Variants in DOCK4 observed in about 807,000 individuals in gnomAD.
DOCK4 encodes the protein dedicator of cytokinesis protein 4.
Under a neutral mutation model 268.1 loss-of-function variants are expected in DOCK4, and 97 were observed. That is an observed-to-expected ratio of 0.36 (90% CI 0.31 to 0.43). The LOEUF (loss-of-function observed/expected upper bound fraction) is 0.43. Among genes scored for constraint, DOCK4 ranks in the 20% least tolerant of loss-of-function variants. The pLI is 1.00. For missense variants in DOCK4, 2,145 were observed against 2,455.7 expected (o/e 0.87, Z 2.67); for synonymous variants, 954 against 887.2 (o/e 1.08, Z -1.34).
intron 1 of DOCK4, among the ~76,000 whole-genome samples, chr7:112,007,884 C>A (rs1208494589): frequency 1.3e-5 from 2 of 152,124 alleles, no homozygotes; most frequent in African/African-American, 4.8e-5. Flanking sequence ...AGTGTTTCTG[C>A]ATGAAATACA....
intron 44 of DOCK4, among the ~76,000 whole-genome samples, chr7:111,742,364 A>G (rs1795974587): frequency 6.6e-6 from 1 of 152,146 alleles, no homozygotes; most frequent in Non-Finnish European, 1.5e-5. Flanking sequence ...TTTCAGACTT[A>G]ATTTTCCTAC....
At chr7:111,934,264 G>C (rs1392763324) in intron 12 of DOCK4, among the ~76,000 whole-genome samples, 1 of 152,080 alleles carries the variant, frequency 6.6e-6, no homozygotes, top group Non-Finnish European at 1.5e-5. Flanking sequence ...CATTATTTAT[G>C]CTATGCAATC....
intron 4 of DOCK4, among the ~76,000 whole-genome samples, chr7:111,995,447 GTGTGTGTGTGTA>G (rs55924531): frequency 0.057 from 6,490 of 113,050 alleles, 235 homozygotes; most frequent in East Asian, 0.2. Context: ...GTGTGTGTGT[GTGTGTGTGTGTA>G]TGTGCAGGTG....
intron 1 of DOCK4, among the ~76,000 whole-genome samples, chr7:112,176,831 A>T (rs964553259): frequency 2.0e-5 from 3 of 152,200 alleles, no homozygotes; most frequent in African/African-American, 7.2e-5. Flanking sequence ...TGCACATAAT[A>T]TAAAAACAAG....
chr7:111,842,843 G>C (rs1245244331), intron 25 of DOCK4, among the ~76,000 whole-genome samples: 2 of 152,164 alleles, frequency 1.3e-5, no homozygotes, highest in Non-Finnish European at 2.9e-5. Context: ...TCTTGCCTCA[G>C]CTGTCAAAGG....
At chr7:112,145,498 G>A (rs1193955705) in intron 1 of DOCK4, among the ~76,000 whole-genome samples, 2 of 152,208 alleles carry the variant, frequency 1.3e-5, no homozygotes, top group African/African-American at 4.8e-5. Flanking sequence ...TATATATTCA[G>A]AGATACAACA....
rs1794704607 is a variant in DOCK4 at position 111,727,232 on chromosome 7, G to C, written c.*1042C>G. The C allele has an allele frequency of 1.3e-5, 2 of 152,630 alleles. No individual in the cohort carries two copies. The allele number at this position is 152,630 out of a possible 1,614,324, so 9.5% of individuals were successfully genotyped here. A position where few individuals can be genotyped will look rare whatever the true frequency, so the allele number is the denominator to read the frequency against. On this transcript the variant is annotated 3_prime_UTR_variant, in exon 53 of 53. Coordinates refer to ENST00000428084, the MANE Select transcript of DOCK4 (RefSeq NM_001363540.2). ...AAGAGAAAGACGACAGGTCAGCTAAGACAAACTCCACTGGTAAAAGTGGAG... is the reference window on the plus strand; with the variant it reads ...AAGAGAAAGACGACAGGTCAGCTAACACAAACTCCACTGGTAAAAGTGGAG...
chr7:111,818,440 C>CCAA (rs200197432), intron 27 of DOCK4, among the ~76,000 whole-genome samples: 65 of 152,230 alleles, frequency 4.3e-4, no homozygotes, highest in African/African-American at 1.5e-3. Flanking sequence ...GTGAATGGCA[C>CCAA]AATTCATCCT....
chr7:111,810,345 A>G (rs1801012449), intron 28 of DOCK4, among the ~76,000 whole-genome samples: 1 of 151,990 alleles, frequency 6.6e-6, no homozygotes, highest in Non-Finnish European at 1.5e-5. Context: ...CCAGCTACTC[A>G]GTAGGCTGAG....
chr7:111,909,616 T>C (rs1464879457), intron 13 of DOCK4, among the ~76,000 whole-genome samples: 1 of 152,240 alleles, frequency 6.6e-6, no homozygotes, highest in Non-Finnish European at 1.5e-5. Context: ...CAGATTACTA[T>C]TAAAACTGGT....
chr7:112,005,137 A>C (rs10487337), intron 1 of DOCK4, among the ~76,000 whole-genome samples: 8,899 of 152,288 alleles, frequency 0.058, 394 homozygotes, highest in East Asian at 0.18. Flanking sequence ...ATGATTCTTA[A>C]AAGGCCAAAA....
intron 26 of DOCK4, among the ~76,000 whole-genome samples, chr7:111,829,953 T>C (rs1025153376): frequency 2.0e-5 from 3 of 152,200 alleles, no homozygotes; most frequent in African/African-American, 7.2e-5. Context: ...TATATGTACA[T>C]TATCATTATG....
At chr7:112,040,492 T>C (rs547669724) in intron 1 of DOCK4, among the ~76,000 whole-genome samples, 90 of 152,296 alleles carry the variant, frequency 5.9e-4, no homozygotes, top group Middle Eastern at 3.4e-3. Context: ...TTTCAATAGA[T>C]AGTTGTGGAG....
chr7:112,122,010 A>G (rs1812775005), intron 1 of DOCK4, among the ~76,000 whole-genome samples: 1 of 152,234 alleles, frequency 6.6e-6, no homozygotes, highest in South Asian at 2.1e-4. Context: ...AATGCTGCAA[A>G]CAATATTAGA....
rs75252459 is a variant in DOCK4, at chr7:111,939,805, T to C, written c.977+305A>G. On this transcript the variant is annotated intron_variant, in intron 11 of 52. Transcript: ENST00000428084. ...AGTACTTTCACTTTCCAAGAACACA[T>C]TGACTGTCTGAAGGTAAAGACGTGC... Among the ~76,000 whole-genome samples the C allele has an allele frequency of 6.1e-3, 924 of 152,300 alleles. 11 individuals are homozygous for C. Among genetic ancestry groups the C allele is most frequent in the African/African-American group, 0.021 (889 of 41,572 alleles).
At chr7:112,152,774 C>G (rs1816225513) in intron 1 of DOCK4, among the ~76,000 whole-genome samples, 1 of 152,098 alleles carries the variant, frequency 6.6e-6, no homozygotes, top group Non-Finnish European at 1.5e-5. Context: ...GCTTGAGCCA[C>G]TGCATCCAGC....
At chr7:112,178,082 C>G (rs1489241865) in intron 1 of DOCK4, among the ~76,000 whole-genome samples, 1 of 152,240 alleles carries the variant, frequency 6.6e-6, no homozygotes, top group African/African-American at 2.4e-5. Flanking sequence ...TGCTTACTAA[C>G]ATCAGTATCA....
chr7:112,130,115 T>C (rs1813668597), intron 1 of DOCK4, among the ~76,000 whole-genome samples: 2 of 152,120 alleles, frequency 1.3e-5, no homozygotes, highest in Admixed American at 1.3e-4. Flanking sequence ...AGTTTGAATG[T>C]TGGGTAAGAG....
chr7:111,787,997 A>G (rs1799292175), intron 32 of DOCK4, among the ~76,000 whole-genome samples: 1 of 152,192 alleles, frequency 6.6e-6, no homozygotes, highest in Non-Finnish European at 1.5e-5. Flanking sequence ...ATTTAAACAC[A>G]ACGCATGAAT....
Sources: gnomAD v4.1 joint callset for allele counts (sites outside exome capture counted in the v4.1 genomes callset) on GRCh38, gnomAD v4.1.1 for gene constraint, MANE v1.5 for transcripts, NCBI Gene and HGNC (gene_info 2026-07-23, HGNC 2026-07-21) for gene names.